TCERG1L: variants seen among roughly 807,000 people sequenced by gnomAD.
The protein encoded by TCERG1L is transcription elongation regulator 1 like.
In TCERG1L, 37 loss-of-function variants were observed where a neutral mutation model predicts 56.3. That is an observed-to-expected ratio of 0.66 (90% CI 0.51 to 0.87). The LOEUF (loss-of-function observed/expected upper bound fraction) is 0.87, where lower values mean the gene tolerates loss of function less well. Among genes scored for constraint, TCERG1L ranks in the 40% least tolerant of loss-of-function variants. The pLI is 0.00. For synonymous variants in TCERG1L, 324 were observed against 326.3 expected, an observed-to-expected ratio of 0.99 and a Z score of 0.08; for missense variants, 799 against 774.2, an observed-to-expected ratio of 1.03 and a Z score of -0.38.
chr10:131,123,642 C>T lies in TCERG1L; in HGVS notation c.1260-6708G>A, dbSNP rs139845848. Among the ~76,000 whole-genome samples the T allele has an allele frequency of 4.8e-3, 736 of 152,164 alleles. 33 individuals carry two copies. Among genetic ancestry groups the T allele is most frequent in the Admixed American group, 0.039 (597 of 15,292 alleles). On this transcript the variant is annotated intron_variant, in intron 8 of 11. Coordinates refer to ENST00000368642, the MANE Select transcript of TCERG1L (RefSeq NM_174937.4). ...AGCCCAGAGCCTCTGAGCAGAGTGA[C>T]GCATCCTGGCCTCCGACTGCCCTGA...
intron 3 of TCERG1L, among the ~76,000 whole-genome samples, chr10:131,277,152 G>C (rs2133558844): frequency 6.6e-6 from 1 of 152,208 alleles, no homozygotes; most frequent in Non-Finnish European, 1.5e-5. Flanking sequence ...CTGTGAGGAA[G>C]AGCAGAGACC....
intron 4 of TCERG1L, among the ~76,000 whole-genome samples, chr10:131,236,732 G>A (rs1434314884): frequency 6.6e-6 from 1 of 152,152 alleles, no homozygotes; most frequent in Non-Finnish European, 1.5e-5. Flanking sequence ...TCTTTGTAAG[G>A]AGAATCCGCC....
intron 4 of TCERG1L, among the ~76,000 whole-genome samples, chr10:131,182,856 C>T (rs1550289): frequency 0.089 from 13,527 of 152,240 alleles, 742 homozygotes; most frequent in East Asian, 0.2. Flanking sequence ...TTTCAGTTAT[C>T]TTCTTTATTT....
chr10:131,206,642 C>T (rs191000896), intron 4 of TCERG1L, among the ~76,000 whole-genome samples: 316 of 152,228 alleles, frequency 2.1e-3, no homozygotes, highest in Non-Finnish European at 3.0e-3. Context: ...CCCAAAGGGA[C>T]GACTGTGATG....
chr10:131,137,121 A>C (rs1402961516), intron 7 of TCERG1L, among the ~76,000 whole-genome samples: 2 of 151,212 alleles, frequency 1.3e-5, no homozygotes, highest in Non-Finnish European at 2.9e-5. Context: ...GCCTGGGTGA[A>C]AGATCAAAAC....
intron 4 of TCERG1L, among the ~76,000 whole-genome samples, chr10:131,251,882 T>C (rs890058543): frequency 6.6e-6 from 1 of 152,160 alleles, no homozygotes; most frequent in African/African-American, 2.4e-5. Flanking sequence ...CCATCCACAC[T>C]CCGAACTATT....
intron 4 of TCERG1L, among the ~76,000 whole-genome samples, chr10:131,201,092 T>C (rs1845429030): frequency 6.6e-6 from 1 of 152,208 alleles, no homozygotes; most frequent in Non-Finnish European, 1.5e-5. Flanking sequence ...ACCATCACAC[T>C]GGCAACTAAG....
intron 4 of TCERG1L, among the ~76,000 whole-genome samples, chr10:131,172,587 C>T (rs1032466593): frequency 1.6e-4 from 24 of 152,374 alleles, no homozygotes; most frequent in Admixed American, 5.2e-4. Context: ...CCATATCACG[C>T]GTGCTCCACG....
intron 6 of TCERG1L, among the ~76,000 whole-genome samples, chr10:131,157,433 T>C (rs7081254): frequency 0.13 from 19,939 of 152,280 alleles, 1,757 homozygotes; most frequent in Non-Finnish European, 0.2. Context: ...TTGACATTTA[T>C]TGTCATTTAA....
At chr10:131,152,079 C>T (rs138515522) in intron 6 of TCERG1L, among the ~76,000 whole-genome samples, 116 of 152,338 alleles carry the variant, frequency 7.6e-4, no homozygotes, top group African/African-American at 2.7e-3. Flanking sequence ...ATGAAGCTCT[C>T]TGACATACTC....
intron 4 of TCERG1L, among the ~76,000 whole-genome samples, chr10:131,236,038 T>C (rs576313594): frequency 6.6e-6 from 1 of 152,318 alleles, no homozygotes; most frequent in Admixed American, 6.5e-5. Flanking sequence ...ACATTTAGGC[T>C]CACCTAGTGT....
intron 4 of TCERG1L, among the ~76,000 whole-genome samples, chr10:131,212,550 T>TA (rs1237597648): frequency 6.6e-6 from 1 of 152,190 alleles, no homozygotes; most frequent in African/African-American, 2.4e-5. Context: ...AGTGGAATGG[T>TA]AAATGAAAGA....
intron 3 of TCERG1L, among the ~76,000 whole-genome samples, chr10:131,289,545 G>GTA (rs1846587447): frequency 8.5e-6 from 1 of 117,430 alleles, no homozygotes; most frequent in Admixed American, 9.0e-5. Context: ...GTGTGTATGT[G>GTA]TGCACCGCTG....
At position 131,093,078 on chromosome 10, in the gene TCERG1L, C is replaced by A; in HGVS notation, c.*84G>T. 2 of 1,489,132 alleles carry A rather than the reference C, an allele frequency of 1.3e-6. No individual in the cohort carries two copies. The highest frequency in any genetic ancestry group is 1.8e-6 in the Non-Finnish European group (2 of 1,104,874). The allele number at this position is 1,489,132 out of a possible 1,614,324, so 92.2% of individuals were successfully genotyped here. A position where few individuals can be genotyped will look rare whatever the true frequency, so the allele number is the denominator to read the frequency against. On this transcript the variant is annotated 3_prime_UTR_variant, in exon 12 of 12. Transcript: ENST00000368642. ...GGCCGTGCAGGTCTCGGCCGCCCCA[C>A]GCCCGTGTCCGTCTCCACCGTGACC... is the stretch of plus-strand genomic sequence containing the variant.
At position 131,139,824 on chromosome 10, in the gene TCERG1L, G is replaced by C. The variant is rs548034785; in HGVS notation, c.1190-5376C>G. Among the ~76,000 whole-genome samples, 7 of 151,804 alleles carry C rather than the reference G, an allele frequency of 4.6e-5. No homozygotes were observed. In the South Asian group the frequency reaches 1.5e-3, roughly 32 times the overall value. ...TGTGTGCGTATATGTGTGTGTATGT[G>C]TATGCATCTGTGTGTGTCTCTGTGT... On this transcript the variant is annotated intron_variant, in intron 7 of 11. Transcript: ENST00000368642.
At chr10:131,169,696 G>C (rs139419806) in intron 4 of TCERG1L, among the ~76,000 whole-genome samples, 16 of 152,312 alleles carry the variant, frequency 1.1e-4, no homozygotes, top group African/African-American at 3.8e-4. Context: ...CACACTCTAT[G>C]TTTTCAATAT....
intron 4 of TCERG1L, among the ~76,000 whole-genome samples, chr10:131,169,631 G>GT: frequency 6.6e-6 from 1 of 152,284 alleles, no homozygotes; most frequent in East Asian, 1.9e-4. Flanking sequence ...TCCCAGGGAG[G>GT]AAGTCTGGAG....
At chr10:131,223,291 C>A (rs1682443289) in intron 4 of TCERG1L, among the ~76,000 whole-genome samples, 1 of 152,214 alleles carries the variant, frequency 6.6e-6, no homozygotes, top group African/African-American at 2.4e-5. Context: ...GTGTCCCCAC[C>A]CTGGTGCAGA....
At chr10:131,302,771 T>C (rs1189413888) in intron 3 of TCERG1L, among the ~76,000 whole-genome samples, 1 of 151,886 alleles carries the variant, frequency 6.6e-6, no homozygotes, top group African/African-American at 2.4e-5. Flanking sequence ...ATGCTATCCC[T>C]CTCCTAGCCC....
Sources: gnomAD v4.1 joint callset for allele counts (sites outside exome capture counted in the v4.1 genomes callset) on GRCh38, gnomAD v4.1.1 for gene constraint, MANE v1.5 for transcripts, NCBI Gene and HGNC (gene_info 2026-07-23, HGNC 2026-07-21) for gene names.